Variants in TGM3 observed in about 807,000 individuals in gnomAD.
The protein encoded by TGM3 is protein-glutamine gamma-glutamyltransferase E.
Under a neutral mutation model 73.8 loss-of-function variants are expected in TGM3, and 52 were observed. That is an observed-to-expected ratio of 0.70 (90% CI 0.56 to 0.89). The LOEUF (loss-of-function observed/expected upper bound fraction) is 0.89, where lower values mean the gene tolerates loss of function less well. TGM3 is among the 40% of genes least tolerant of loss of function. TGM3 has a pLI of 0.00. For synonymous variants in TGM3, 372 were observed against 354.9 expected, an observed-to-expected ratio of 1.05 and a Z score of -0.54; for missense variants, 928 against 909.9, an observed-to-expected ratio of 1.02 and a Z score of -0.26.
At chr20:2,310,440 T>C (rs1161686836) in intron 3 of TGM3, 23 bp downstream of exon 3, 7 of 1,612,952 alleles carry the variant, frequency 4.3e-6, no homozygotes, top group Middle Eastern at 3.3e-4. Flanking sequence ...CCACCCACAC[T>C]CTCAGCCCTG....
intron 11 of TGM3, among the ~76,000 whole-genome samples, chr20:2,339,543 G>T (rs2084368927): frequency 6.6e-6 from 1 of 152,168 alleles, no homozygotes; most frequent in East Asian, 1.9e-4. Context: ...GCTGTCCTGG[G>T]AAGCAGGGTC....
At position 2,310,222 on chromosome 20, in the gene TGM3, C is replaced by G; in HGVS notation, c.226C>G (p.Leu76Val). 6.2e-7 allele frequency: 1 copy of G among 1,614,274 alleles called. No individual in the cohort carries two copies. The highest frequency in any genetic ancestry group is 8.5e-7 in the Non-Finnish European group (1 of 1,180,050). ...GGCCATGACGAAGGCTGTGTTTCCA[C>G]TCTCCAATGGCAGTAGTGGTGGCTG... ...ESAMTKAVFP[L>V]SNGSSGGWSA... Residue 76 changes from leucine to valine, a missense_variant, in exon 3 of 13, where the codon CTC (leucine) becomes GTC (valine). Leu to Val is a conservative substitution (Grantham distance 32). Coordinates refer to ENST00000381458, the MANE Select transcript of TGM3 (RefSeq NM_003245.4).
chr20:2,321,670 C>T (rs45567938), intron 7 of TGM3, among the ~76,000 whole-genome samples: 1,587 of 152,214 alleles, frequency 0.01, 31 homozygotes, highest in African/African-American at 0.036. Context: ...TTCTGATGCC[C>T]GCAGCCTGTC....
At chr20:2,325,408 C>T (rs2422687) in intron 7 of TGM3, among the ~76,000 whole-genome samples, 82,579 of 152,022 alleles carry the variant, frequency 0.54, 27,296 homozygotes, top group East Asian at 0.81. Flanking sequence ...TGCAGCAACC[C>T]CATTCATTTT....
intron 7 of TGM3, among the ~76,000 whole-genome samples, chr20:2,321,285 A>G (rs552240242): frequency 6.6e-6 from 1 of 152,362 alleles, no homozygotes; most frequent in African/African-American, 2.4e-5. Flanking sequence ...GAGACTGAAT[A>G]GACGAGTTTA....
intron 3 of TGM3, 106 bp downstream of exon 3, chr20:2,310,523 A>G (rs1001509767): frequency 9.2e-6 from 14 of 1,526,086 alleles, no homozygotes; most frequent in Non-Finnish European, 1.2e-5. Context: ...GGGAAAGTCC[A>G]TGGGCTGTGG....
Position 2,308,453 on chromosome 20 carries a change from A to T in TGM3, c.8-1204A>T, listed in dbSNP as rs180916527. 2.0e-5 allele frequency among the ~76,000 whole-genome samples: 3 copies of T among 152,338 alleles called. No homozygotes were observed. In the East Asian group the frequency reaches 5.8e-4, roughly 29 times the overall value. ...AAGTTTATATCAGCGAACACCTGGT[A>T]CATCATGGCATCTCTCATAAACCCT... On this transcript the variant is annotated intron_variant, in intron 1 of 12. Transcript: ENST00000381458.
At chr20:2,307,855 T>C (rs2084183522) in intron 1 of TGM3, among the ~76,000 whole-genome samples, 2 of 152,174 alleles carry the variant, frequency 1.3e-5, no homozygotes, top group Non-Finnish European at 2.9e-5. Flanking sequence ...TCTTTGTTCA[T>C]TTATTCCTTC....
chr20:2,300,274 G>A (rs1252777777), intron 1 of TGM3, among the ~76,000 whole-genome samples: 5 of 151,090 alleles, frequency 3.3e-5, no homozygotes, highest in African/African-American at 9.8e-5. Flanking sequence ...GAAGAGAAGA[G>A]AAGAAAAGAA....
intron 5 of TGM3, among the ~76,000 whole-genome samples, chr20:2,314,311 G>A (rs2084222202): frequency 6.6e-6 from 1 of 152,132 alleles, no homozygotes; most frequent in African/African-American, 2.4e-5. Flanking sequence ...ACTCAGGCCT[G>A]GGTTATAGAG....
rs964347899 is a variant in TGM3, at chr20:2,334,565, C to T, written c.1643-551C>T. Among the ~76,000 whole-genome samples the T allele has an allele frequency of 3.3e-5, 5 of 152,032 alleles. No individual in the cohort carries two copies. Among genetic ancestry groups the T allele is most frequent in the Admixed American group, 6.6e-5 (1 of 15,266 alleles). On this transcript the variant is annotated intron_variant, in intron 10 of 12. Transcript: ENST00000381458. The surrounding 1 kb of genome is among the most constrained non-coding windows in gnomAD (Gnocchi z 4.0). ...TTTGTTTAGCCAATACCCTGGCTTC[C>T]CTTCCTACCTATTATTGTGTTACTG...
chr20:2,317,468 G>C lies in TGM3; in HGVS notation c.966G>C (p.Lys322Asn). ...ACCCCATGGGAAACCCCCTGGACAAGGGTAGTGATAGCGTATGGTAAGTAT... is the reference window on the plus strand; with the variant it reads ...ACCCCATGGGAAACCCCCTGGACAACGGTAGTGATAGCGTATGGTAAGTAT... ...YYDPMGNPLD[K>N]GSDSVWNFHV... Residue 322 changes from lysine (K) to asparagine (N), a missense_variant, in exon 7 of 13, where the codon AAG becomes AAC. Physicochemically the swap from Lys to Asn is moderately conservative, Grantham distance 94 (BLOSUM62 0). Coordinates refer to ENST00000381458, the MANE Select transcript of TGM3 (RefSeq NM_003245.4). 1 of 1,614,222 alleles carries C rather than the reference G, an allele frequency of 6.2e-7. No homozygotes were observed.
At chr20:2,337,593 A>T (rs1421586009) in intron 11 of TGM3, among the ~76,000 whole-genome samples, 1 of 151,900 alleles carries the variant, frequency 6.6e-6, no homozygotes, top group East Asian at 1.9e-4. Flanking sequence ...GGTGGCGGGC[A>T]CCTATAATCC....
intron 1 of TGM3, among the ~76,000 whole-genome samples, chr20:2,298,445 G>T (rs1182455174): frequency 6.6e-6 from 1 of 152,216 alleles, no homozygotes. Context: ...GTACACACCT[G>T]AACCACAGGC....
chr20:2,313,375 C>T (rs1168097967), intron 5 of TGM3, among the ~76,000 whole-genome samples: 1 of 152,222 alleles, frequency 6.6e-6, no homozygotes, highest in Admixed American at 6.5e-5. Context: ...TCTGCTCCAT[C>T]ATTGGGCCTC....
intron 12 of TGM3, 53 bp downstream of exon 12, chr20:2,340,040 G>GGTGGGGGGGGGC: frequency 2.1e-6 from 2 of 944,846 alleles, no homozygotes; most frequent in Non-Finnish European, 3.2e-6. Context: ...GGGCGGGGGG[G>GGTGGGGGGGGGC]CCCTCCAGAT....
intron 11 of TGM3, among the ~76,000 whole-genome samples, chr20:2,337,192 C>T (rs2084355375): frequency 6.6e-6 from 1 of 152,122 alleles, no homozygotes; most frequent in Non-Finnish European, 1.5e-5. Context: ...GAACAGATCC[C>T]CTTGGCTCTG....
Position 2,328,485 on chromosome 20 carries a change from G to T in TGM3, c.1333+120G>T. 1 of 1,381,698 alleles carries T rather than the reference G, an allele frequency of 7.2e-7. No individual in the cohort carries two copies. The highest frequency in any genetic ancestry group is 9.8e-7 in the Non-Finnish European group (1 of 1,016,434). 85.6% of individuals were successfully genotyped at this position (1,381,698 alleles called of 1,614,324 possible). ...CACTGGCAGCCAGTTCTGCCTGAAT[G>T]ATAGGATTGCTCCCTAGCACCTAAC... On this transcript the variant is annotated intron_variant, in intron 9 of 12. Coordinates refer to ENST00000381458, the MANE Select transcript of TGM3 (RefSeq NM_003245.4). The surrounding 1 kb of genome is among the most constrained non-coding windows in gnomAD (Gnocchi z 5.2).
At position 2,325,899 on chromosome 20, in the gene TGM3, C is replaced by A; in HGVS notation, c.1034C>A (p.Pro345His). The change falls in exon 8 of 13, where the codon CCC becomes CAC. Residue 345 changes from proline to histidine, a missense_variant. Coordinates refer to ENST00000381458, the MANE Select transcript of TGM3 (RefSeq NM_003245.4). Reference sequence around the variant, plus strand: ...TGGTTTGTGAGGTCTGACCTGGGCCCCTCGTACGGTGGATGGCAGGTGTTG... The same window carrying A: ...TGGTTTGTGAGGTCTGACCTGGGCCACTCGTACGGTGGATGGCAGGTGTTG... ...EGWFVRSDLG[P>H]SYGGWQVLDA... The A allele has an allele frequency of 6.3e-7, 1 of 1,591,116 alleles. No homozygotes were observed. The highest frequency in any genetic ancestry group is 8.6e-7 in the Non-Finnish European group (1 of 1,167,680).
Sources: gnomAD v4.1 joint callset for allele counts (sites outside exome capture counted in the v4.1 genomes callset) on GRCh38, gnomAD v4.1.1 for gene constraint, Gnocchi (gnomAD v3.1) non-coding constraint, MANE v1.5 for transcripts, NCBI Gene and HGNC (gene_info 2026-07-23, HGNC 2026-07-21) for gene names.